PRKG1: variants seen among roughly 807,000 people sequenced by gnomAD.
PRKG1 encodes the protein protein kinase cGMP-dependent 1, also known as cGMP-dependent protein kinase 1.
A neutral mutation model predicts 88.1 loss-of-function variants in PRKG1; 35 were observed. That is an observed-to-expected ratio of 0.40 (90% CI 0.30 to 0.53). PRKG1 has a LOEUF of 0.53. Among genes scored for constraint, PRKG1 ranks in the 20% least tolerant of loss-of-function variants. The pLI is 0.59. For synonymous variants in PRKG1, 303 were observed against 292.5 expected (o/e 1.04, Z -0.37); for missense variants, 540 against 839.8 (o/e 0.64, Z 4.41).
chr10:50,998,880 C>T (rs548132997), intron 1 of PRKG1, among the ~76,000 whole-genome samples: 1 of 152,292 alleles, frequency 6.6e-6, no homozygotes, highest in African/African-American at 2.4e-5. Context: ...GTAGTAGAAA[C>T]TAATCTCCCT....
At chr10:51,485,608 A>G (rs903473294) in intron 3 of PRKG1, among the ~76,000 whole-genome samples, 2 of 152,218 alleles carry the variant, frequency 1.3e-5, no homozygotes, top group Non-Finnish European at 2.9e-5. Flanking sequence ...GAGAGGCAAG[A>G]TACTTAAGAA....
At chr10:51,077,576 A>C (rs1843989699) in intron 1 of PRKG1, among the ~76,000 whole-genome samples, 2 of 152,176 alleles carry the variant, frequency 1.3e-5, no homozygotes, top group African/African-American at 2.4e-5. Context: ...AATAGTATAA[A>C]ATGTAAATTA....
intron 4 of PRKG1, among the ~76,000 whole-genome samples, chr10:51,806,602 G>A (rs1035482003): frequency 1.3e-5 from 2 of 152,160 alleles, no homozygotes; most frequent in African/African-American, 4.8e-5. Context: ...ACATAGGACT[G>A]GGCCGGGAGT....
At chr10:51,898,646 G>A (rs528175186) in intron 4 of PRKG1, among the ~76,000 whole-genome samples, 91 of 152,170 alleles carry the variant, frequency 6.0e-4, no homozygotes, top group Middle Eastern at 3.4e-3. Context: ...ACCAGCCTGG[G>A]CAACATGGTG....
intron 9 of PRKG1, among the ~76,000 whole-genome samples, chr10:52,214,595 T>TA (rs1398177698): frequency 6.6e-6 from 1 of 152,214 alleles, no homozygotes; most frequent in African/African-American, 2.4e-5. Context: ...TTTTATTTTC[T>TA]AAAGAAATAG....
chr10:51,091,386 C>T (rs1404057080), intron 1 of PRKG1, among the ~76,000 whole-genome samples: 2 of 152,170 alleles, frequency 1.3e-5, no homozygotes, highest in African/African-American at 4.8e-5. Context: ...AGTCCCTGCT[C>T]TACTCCCAGG....
intron 14 of PRKG1, among the ~76,000 whole-genome samples, chr10:52,285,347 C>CT (rs1842094752): frequency 6.6e-6 from 1 of 151,960 alleles, no homozygotes; most frequent in Non-Finnish European, 1.5e-5. Flanking sequence ...GAGGAGAATT[C>CT]TTTTTTCCTA....
intron 7 of PRKG1, among the ~76,000 whole-genome samples, chr10:52,122,377 T>C (rs951041947): frequency 1.3e-5 from 2 of 152,222 alleles, no homozygotes; most frequent in Non-Finnish European, 2.9e-5. Context: ...AAGACATAAA[T>C]TCTGGGGGAT....
intron 5 of PRKG1, chr10:51,908,554 T>A (rs7899527): frequency 0.74 from 112,464 of 151,470 alleles, 42,182 homozygotes; most frequent in African/African-American, 0.85. Flanking sequence ...TGAACTTATT[T>A]GACTTAGATT....
At chr10:52,231,467 GT>G (rs1840521396) in intron 9 of PRKG1, 1 of 152,108 alleles carries the variant, frequency 6.6e-6, no homozygotes, top group Non-Finnish European at 1.5e-5. Context: ...TTATCAATAT[GT>G]TTAAAAGATT....
At chr10:52,228,651 G>A (rs1012252659) in intron 9 of PRKG1, among the ~76,000 whole-genome samples, 2 of 152,186 alleles carry the variant, frequency 1.3e-5, no homozygotes, top group African/African-American at 4.8e-5. Flanking sequence ...GTAAGTAGCT[G>A]CTCAGTTTTA....
chr10:52,102,264 A>G (rs555530565), intron 7 of PRKG1, among the ~76,000 whole-genome samples: 23 of 152,198 alleles, frequency 1.5e-4, no homozygotes, highest in Admixed American at 5.9e-4. Context: ...AGGCTTTCAT[A>G]TGGTTTCCTT....
intron 2 of PRKG1, among the ~76,000 whole-genome samples, chr10:51,448,211 G>A (rs1458498302): frequency 6.6e-6 from 1 of 151,820 alleles, no homozygotes; most frequent in Non-Finnish European, 1.5e-5. Context: ...TCATGCCACT[G>A]AACTCCATTC....
At chr10:51,873,246 A>G (rs1260811448) in intron 4 of PRKG1, among the ~76,000 whole-genome samples, 1 of 152,102 alleles carries the variant, frequency 6.6e-6, no homozygotes, top group African/African-American at 2.4e-5. Flanking sequence ...ATAATGCCAT[A>G]TAGTTTAAGA....
At chr10:52,080,056 C>A (rs777689382) in intron 7 of PRKG1, among the ~76,000 whole-genome samples, 2 of 152,142 alleles carry the variant, frequency 1.3e-5, no homozygotes, top group Non-Finnish European at 2.9e-5. Context: ...AACTTCAAGT[C>A]CTACGACACA....
intron 1 of PRKG1, among the ~76,000 whole-genome samples, chr10:51,081,831 A>G (rs1844119446): frequency 6.6e-6 from 1 of 152,180 alleles, no homozygotes; most frequent in Non-Finnish European, 1.5e-5. Context: ...GCCATAGCTC[A>G]CTGCAGCTTC....
chr10:51,446,858 C>T (rs1839287943), intron 2 of PRKG1, among the ~76,000 whole-genome samples: 1 of 151,996 alleles, frequency 6.6e-6, no homozygotes. Context: ...ATGTACATTC[C>T]TAAACTACCT....
chr10:51,407,672 G>C (rs1837959098), intron 2 of PRKG1, among the ~76,000 whole-genome samples: 1 of 152,196 alleles, frequency 6.6e-6, no homozygotes, highest in African/African-American at 2.4e-5. Flanking sequence ...CTGGTTGAGT[G>C]ACCTAAACCT....
chr10:51,015,784 G>A (rs1843049671), intron 1 of PRKG1, among the ~76,000 whole-genome samples: 1 of 152,230 alleles, frequency 6.6e-6, no homozygotes, highest in South Asian at 2.1e-4. Flanking sequence ...CTATTCTGGA[G>A]GCTCAGGCAG....
Sources: allele counts gnomAD v4.1 joint callset (sites outside exome capture counted in the v4.1 genomes callset), GRCh38; gene constraint gnomAD v4.1.1; transcripts MANE v1.5; gene names NCBI Gene and HGNC (gene_info 2026-07-23, HGNC 2026-07-21).